Variants in PDZRN4 observed in about 807,000 individuals in gnomAD.
PDZRN4 encodes the protein PDZ domain-containing RING finger protein 4.
PDZRN4 carries 70 observed loss-of-function variants against 99.0 expected under a neutral mutation model. That is an observed-to-expected ratio of 0.71 (90% CI 0.58 to 0.86). The LOEUF (loss-of-function observed/expected upper bound fraction) is 0.86. PDZRN4 is among the 40% of genes least tolerant of loss of function. PDZRN4 has a pLI of 0.00. For missense variants in PDZRN4, 1,474 were observed against 1,331.2 expected (o/e 1.11, Z -1.67); for synonymous variants, 551 against 501.6 (o/e 1.10, Z -1.32).
intron 3 of PDZRN4, among the ~76,000 whole-genome samples, chr12:41,379,688 T>G (rs754490939): frequency 6.6e-6 from 1 of 152,014 alleles, no homozygotes; most frequent in Non-Finnish European, 1.5e-5. Context: ...ATTTCCTATT[T>G]CATACCATTT....
chr12:41,270,167 A>G (rs1335675975), intron 3 of PDZRN4, among the ~76,000 whole-genome samples: 3 of 145,124 alleles, frequency 2.1e-5, no homozygotes, highest in African/African-American at 7.3e-5. Context: ...TCCCATCACC[A>G]CATGTTATAA....
At chr12:41,550,935 G>A (rs913604752) in intron 5 of PDZRN4, among the ~76,000 whole-genome samples, 1 of 152,148 alleles carries the variant, frequency 6.6e-6, no homozygotes, top group East Asian at 1.9e-4. Flanking sequence ...TGTACAGAGT[G>A]TTCTGGGAAA....
intron 3 of PDZRN4, among the ~76,000 whole-genome samples, chr12:41,346,330 C>T (rs966095468): frequency 1.3e-5 from 2 of 151,916 alleles, no homozygotes; most frequent in East Asian, 1.9e-4. Flanking sequence ...GGTGCGGTGG[C>T]GGGCGCCTGT....
intron 3 of PDZRN4, chr12:41,438,020 G>A: frequency 6.2e-7 from 1 of 1,613,802 alleles, no homozygotes; most frequent in Non-Finnish European, 8.5e-7. Flanking sequence ...CCAGGTGAGT[G>A]CAGGGTCTGA....
At chr12:41,397,758 A>G (rs961337) in intron 3 of PDZRN4, among the ~76,000 whole-genome samples, 79,917 of 151,984 alleles carry the variant, frequency 0.53, 21,799 homozygotes, top group African/African-American at 0.7. Flanking sequence ...ATGTATTGGT[A>G]TCTATGCCCT....
At chr12:41,473,888 G>A (rs996846717) in intron 3 of PDZRN4, among the ~76,000 whole-genome samples, 1 of 152,130 alleles carries the variant, frequency 6.6e-6, no homozygotes, top group African/African-American at 2.4e-5. Context: ...GTAATTTTTA[G>A]GAAAGTCTTT....
chr12:41,228,536 G>C (rs1345295794), intron 3 of PDZRN4, among the ~76,000 whole-genome samples: 1 of 152,094 alleles, frequency 6.6e-6, no homozygotes, highest in African/African-American at 2.4e-5. Context: ...AAAAGAAAGT[G>C]TATGGTGGAT....
At chr12:41,273,756 A>G (rs1242302600) in intron 3 of PDZRN4, among the ~76,000 whole-genome samples, 1 of 152,128 alleles carries the variant, frequency 6.6e-6, no homozygotes, top group African/African-American at 2.4e-5. Context: ...TTTCAGGTTT[A>G]CCTGCAAAAA....
intron 3 of PDZRN4, among the ~76,000 whole-genome samples, chr12:41,478,407 C>A (rs1434041831): frequency 2.0e-5 from 3 of 152,160 alleles, no homozygotes; most frequent in Non-Finnish European, 4.4e-5. Flanking sequence ...TGAGCCACTG[C>A]ACCCAGCCTG....
chr12:41,391,131 T>TA (rs1952208397), intron 3 of PDZRN4, among the ~76,000 whole-genome samples: 1 of 152,162 alleles, frequency 6.6e-6, no homozygotes, highest in South Asian at 2.1e-4. Context: ...CTTCACCTGT[T>TA]ATGTCACCCT....
At chr12:41,405,925 C>T (rs185874963) in intron 3 of PDZRN4, among the ~76,000 whole-genome samples, 1 of 146,498 alleles carries the variant, frequency 6.8e-6, no homozygotes, top group African/African-American at 2.5e-5. Context: ...AATGTTGGAA[C>T]AATAGACACT....
intron 3 of PDZRN4, among the ~76,000 whole-genome samples, chr12:41,225,971 T>A (rs1950991540): frequency 6.6e-6 from 1 of 152,050 alleles, no homozygotes; most frequent in Non-Finnish European, 1.5e-5. Context: ...TTCCTGCTAT[T>A]CTTACCTCTC....
At chr12:41,288,137 A>G (rs1264585949) in intron 3 of PDZRN4, among the ~76,000 whole-genome samples, 1 of 152,210 alleles carries the variant, frequency 6.6e-6, no homozygotes, top group African/African-American at 2.4e-5. Flanking sequence ...GGCACAAAAA[A>G]GGCAGTCTTA....
At chr12:41,478,635 T>A (rs1937627694) in intron 3 of PDZRN4, among the ~76,000 whole-genome samples, 1 of 152,166 alleles carries the variant, frequency 6.6e-6, no homozygotes, top group African/African-American at 2.4e-5. Context: ...TTCTCTACAG[T>A]TTTATAAAAG....
chr12:41,355,296 G>A (rs1392352923), intron 3 of PDZRN4, among the ~76,000 whole-genome samples: 2 of 151,992 alleles, frequency 1.3e-5, no homozygotes, highest in Non-Finnish European at 2.9e-5. Flanking sequence ...ATTCCAATAC[G>A]AGTGGGGCGG....
intron 3 of PDZRN4, among the ~76,000 whole-genome samples, chr12:41,373,735 G>A (rs1021758168): frequency 6.6e-6 from 1 of 152,090 alleles, no homozygotes; most frequent in Non-Finnish European, 1.5e-5. Context: ...TGAAGATGAC[G>A]GGATTAAGAG....
chr12:41,542,415 T>G (rs1302485061), intron 5 of PDZRN4, among the ~76,000 whole-genome samples: 2 of 152,234 alleles, frequency 1.3e-5, no homozygotes, highest in African/African-American at 4.8e-5. Flanking sequence ...AGCCTTGCTT[T>G]CCTAAGAATT....
chr12:41,356,104 T>G (rs1313754620), intron 3 of PDZRN4, among the ~76,000 whole-genome samples: 1 of 152,060 alleles, frequency 6.6e-6, no homozygotes, highest in Non-Finnish European at 1.5e-5. Flanking sequence ...CAGCAATGGA[T>G]TCAATGATCT....
chr12:41,220,558 A>G (rs1198322692), intron 3 of PDZRN4, among the ~76,000 whole-genome samples: 4 of 152,154 alleles, frequency 2.6e-5, no homozygotes, highest in Admixed American at 6.6e-5. Flanking sequence ...ACTCAGTAAC[A>G]TGATTTTAAA....
Sources: gnomAD v4.1 joint callset for allele counts (sites outside exome capture counted in the v4.1 genomes callset) on GRCh38, gnomAD v4.1.1 for gene constraint, MANE v1.5 for transcripts, NCBI Gene and HGNC (gene_info 2026-07-23, HGNC 2026-07-21) for gene names.